Variants in SMAD2 observed in about 807,000 individuals in gnomAD.
The protein encoded by SMAD2 is SMAD family member 2.
A neutral mutation model predicts 64.4 loss-of-function variants in SMAD2; 8 were observed. The ratio of observed to expected loss-of-function variants is 0.12; its 90% CI spans 0.07 to 0.22. The LOEUF (loss-of-function observed/expected upper bound fraction) is 0.22. Among genes scored for constraint, SMAD2 ranks in the 10% least tolerant of loss-of-function variants. The pLI, the probability that SMAD2 is intolerant of heterozygous loss-of-function variation, is 1.00. For synonymous variants in SMAD2, 203 were observed against 195.8 expected, an observed-to-expected ratio of 1.04 and a Z score of -0.31; for missense variants, 289 against 561.2, an observed-to-expected ratio of 0.51 and a Z score of 4.90.
At chr18:47,847,699 G>GAA (rs1914649729) in intron 8 of SMAD2, among the ~76,000 whole-genome samples, 2 of 43,572 alleles carry the variant, frequency 4.6e-5, no homozygotes, top group African/African-American at 1.2e-4. Context: ...TATTTCCAAA[G>GAA]CAAAAAAAAA....
chr18:47,887,170 G>A (rs1290129609), intron 2 of SMAD2, among the ~76,000 whole-genome samples: 1 of 152,126 alleles, frequency 6.6e-6, no homozygotes, highest in Non-Finnish European at 1.5e-5. Flanking sequence ...TATCCTGTCT[G>A]CACAAAATCC....
intron 5 of SMAD2, among the ~76,000 whole-genome samples, chr18:47,866,043 G>A (rs1458385985): frequency 4.6e-5 from 7 of 152,150 alleles, no homozygotes; most frequent in South Asian, 2.1e-4. Flanking sequence ...GAGGCCAGGC[G>A]CGGTGGCTTA....
chr18:47,912,505 G>A (rs1449771280), intron 1 of SMAD2: 1 of 152,302 alleles, frequency 6.6e-6, no homozygotes, highest in African/African-American at 2.4e-5. Flanking sequence ...CACATGGCCA[G>A]GAGGCAGCAT....
chr18:47,875,540 A>C (rs1389282796), intron 2 of SMAD2, among the ~76,000 whole-genome samples: 8 of 152,306 alleles, frequency 5.3e-5, no homozygotes, highest in Admixed American at 5.2e-4. Flanking sequence ...GTTTCTAAAA[A>C]ATATTAAAAG....
Position 47,834,427 on chromosome 18 carries a change from GA to G in SMAD2, c.*7399del, listed in dbSNP as rs1186218308. On this transcript the variant is annotated 3_prime_UTR_variant, in exon 11 of 11. Coordinates refer to ENST00000262160, the MANE Select transcript of SMAD2 (RefSeq NM_005901.6). The stretch of plus-strand genomic sequence containing the variant: ...CTCTGCTAAAAGTTTTGTATCCAGG[GA>G]AAGTCCCGCATCCAGGGAAACCCTC... 4.8e-6 allele frequency: 1 copy of G among 206,646 alleles called. No individual in the cohort carries two copies. The highest frequency in any genetic ancestry group is 2.3e-5 in the African/African-American group (1 of 43,814). 12.8% of individuals were successfully genotyped at this position (206,646 alleles called of 1,614,324 possible).
In SMAD2 at chr18:47,841,819, G is replaced by A. The variant is rs769241147; in HGVS notation, c.*8C>T. The A allele has an allele frequency of 1.2e-6, 2 of 1,614,102 alleles. No individual in the cohort carries two copies. Among genetic ancestry groups the A allele is most frequent in the Admixed American group, 1.7e-5 (1 of 60,022 alleles). ...TAAGTCTTTTCATGGGACTTGATTG[G>A]TGAAGCTTTATGACATGCTTGAGCA... is the stretch of plus-strand genomic sequence containing the variant. On this transcript the variant is annotated 3_prime_UTR_variant, in exon 11 of 11. Coordinates refer to ENST00000262160, the MANE Select transcript of SMAD2 (RefSeq NM_005901.6).
intron 2 of SMAD2, among the ~76,000 whole-genome samples, chr18:47,885,331 C>T (rs1187299728): frequency 6.6e-6 from 1 of 151,998 alleles, no homozygotes; most frequent in Non-Finnish European, 1.5e-5. Context: ...CTTGGCCCAG[C>T]TAATTTTTAT....
intron 2 of SMAD2, among the ~76,000 whole-genome samples, chr18:47,889,688 G>A (rs1385063693): frequency 2.6e-5 from 4 of 151,494 alleles, no homozygotes; most frequent in East Asian, 2.0e-4. Flanking sequence ...GGAGAATGGC[G>A]TGAATCCGGG....
chr18:47,810,270 C>G lies in SMAD2; in HGVS notation c.*31557G>C, dbSNP rs1369710272. ...GTCGCCAACCAAGTCATTTCCCTGT[C>G]CCCAAACCTCCTGAGCCTTCTCCTT... On this transcript the variant is annotated 3_prime_UTR_variant, in exon 11 of 11. Coordinates refer to ENST00000262160, the MANE Select transcript of SMAD2 (RefSeq NM_005901.6). The G allele has an allele frequency of 6.6e-6, 1 of 152,526 alleles. No individual in the cohort carries two copies. The highest frequency in any genetic ancestry group is 1.5e-5 in the Non-Finnish European group (1 of 68,128). 9.4% of individuals were successfully genotyped at this position (152,526 alleles called of 1,614,324 possible). A position where few individuals can be genotyped will look rare whatever the true frequency, so the allele number is the denominator to read the frequency against.
At chr18:47,888,317 C>T (rs2033014447) in intron 2 of SMAD2, among the ~76,000 whole-genome samples, 1 of 152,172 alleles carries the variant, frequency 6.6e-6, no homozygotes, top group East Asian at 1.9e-4. Flanking sequence ...ATCACTTCCT[C>T]CCCTGGAGTC....
Position 47,826,198 on chromosome 18 carries a change from CAAATAGGCCACTCT to C in SMAD2, c.*15615_*15628del, listed in dbSNP as rs1480432879. On this transcript the variant is annotated 3_prime_UTR_variant, in exon 11 of 11. Coordinates refer to ENST00000262160, the MANE Select transcript of SMAD2 (RefSeq NM_005901.6). ...CTCTGTAAGTTAAAACATTTCAAAC[CAAATAGGCCACTCT>C]ATTAAGTCCCAGCTTGAGCATTCTT... 4 of 152,166 alleles carry C rather than the reference CAAATAGGCCACTCT, an allele frequency of 2.6e-5. No homozygotes were observed. The highest frequency in any genetic ancestry group is 9.7e-5 in the African/African-American group (4 of 41,428). The allele number at this position is 152,166 out of a possible 1,614,324, so 9.4% of individuals were successfully genotyped here.
rs1258444070 is a variant in SMAD2 at position 47,832,162 on chromosome 18, C to G, written c.*9665G>C. The G allele has an allele frequency of 6.6e-6, 1 of 152,198 alleles. No homozygotes were observed. The highest frequency in any genetic ancestry group is 2.4e-5 in the African/African-American group (1 of 41,438). The allele number at this position is 152,198 out of a possible 1,614,324, so 9.4% of individuals were successfully genotyped here. On this transcript the variant is annotated 3_prime_UTR_variant, in exon 11 of 11. Coordinates refer to ENST00000262160, the MANE Select transcript of SMAD2 (RefSeq NM_005901.6). Reference sequence around the variant, plus strand: ...AGCCCAAACATAGACCTTAATACTTCTCTCATACTCTTCAGCCATTTGATG... The same window carrying G: ...AGCCCAAACATAGACCTTAATACTTGTCTCATACTCTTCAGCCATTTGATG...
chr18:47,930,526 A>C lies in SMAD2; in HGVS notation c.-219T>G, dbSNP rs1568127223. The C allele has an allele frequency of 6.9e-6, 1 of 145,728 alleles. No homozygotes were observed. Among genetic ancestry groups the C allele is most frequent in the East Asian group, 2.1e-4 (1 of 4,732 alleles). The allele number at this position is 145,728 out of a possible 1,614,324, so 9.0% of individuals were successfully genotyped here. ...GCCGCCGTCTTCCCGCCCCGCCCCC[A>C]GGCCCGGGCCCGGCCGGCGGCCCGG... On this transcript the variant is annotated 5_prime_UTR_variant, in exon 1 of 11. Coordinates refer to ENST00000262160, the MANE Select transcript of SMAD2 (RefSeq NM_005901.6).
intron 1 of SMAD2, among the ~76,000 whole-genome samples, chr18:47,912,858 CAAAA>C (rs566813544): frequency 1.2e-4 from 7 of 59,232 alleles, no homozygotes; most frequent in Admixed American, 3.6e-4. Flanking sequence ...GTATAAACAG[CAAAA>C]AAAAAAAAAA....
rs551409952 is a variant in SMAD2 at position 47,813,884 on chromosome 18, G to A, written c.*27943C>T. 1 of 152,054 alleles carries A rather than the reference G, an allele frequency of 6.6e-6. No homozygotes were observed. The highest frequency in any genetic ancestry group is 6.5e-5 in the Admixed American group (1 of 15,270). The allele number at this position is 152,054 out of a possible 1,614,324, so 9.4% of individuals were successfully genotyped here. ...AGCTCATAATTTAACAAGAAAGGTA[G>A]GCATAGATAGGCCTAATTATGATGA... On this transcript the variant is annotated 3_prime_UTR_variant, in exon 11 of 11. Transcript: ENST00000262160.
rs191753027 is a variant in SMAD2, at chr18:47,813,620, C to A, written c.*28207G>T. 2.0e-4 allele frequency: 30 copies of A among 151,512 alleles called. No individual in the cohort carries two copies. Among genetic ancestry groups the A allele is most frequent in the African/African-American group, 6.8e-4 (28 of 41,244 alleles). 9.4% of individuals were successfully genotyped at this position (151,512 alleles called of 1,614,324 possible). A position where few individuals can be genotyped will look rare whatever the true frequency, so the allele number is the denominator to read the frequency against. ...ATGGGGTTTCACTATGTTGGCCAGACTGGTCTCAAACTCGTGACCTCATGA... is the reference window on the plus strand; with the variant it reads ...ATGGGGTTTCACTATGTTGGCCAGAATGGTCTCAAACTCGTGACCTCATGA... On this transcript the variant is annotated 3_prime_UTR_variant, in exon 11 of 11. Coordinates refer to ENST00000262160, the MANE Select transcript of SMAD2 (RefSeq NM_005901.6).
intron 2 of SMAD2, among the ~76,000 whole-genome samples, chr18:47,884,957 C>T (rs1392077109): frequency 6.6e-6 from 1 of 152,108 alleles, no homozygotes; most frequent in Non-Finnish European, 1.5e-5. Context: ...CTCCCACACA[C>T]AAAATAGTCT....
intron 6 of SMAD2, among the ~76,000 whole-genome samples, chr18:47,855,568 T>A (rs554766048): frequency 6.6e-6 from 1 of 152,298 alleles, no homozygotes; most frequent in Non-Finnish European, 1.5e-5. Context: ...TTTTTATTTC[T>A]CCTTCATTTC....
chr18:47,892,265 T>C (rs1228388884), intron 2 of SMAD2, among the ~76,000 whole-genome samples: 2 of 151,104 alleles, frequency 1.3e-5, no homozygotes, highest in Non-Finnish European at 2.9e-5. Context: ...AGTGGCTCAA[T>C]CTGGGCTCAC....
Sources: gnomAD v4.1 joint callset for allele counts (sites outside exome capture counted in the v4.1 genomes callset) on GRCh38, gnomAD v4.1.1 for gene constraint, MANE v1.5 for transcripts, NCBI Gene and HGNC (gene_info 2026-07-23, HGNC 2026-07-21) for gene names.